The following HACD2 variants were observed in gnomAD, a reference collection of about 807,000 sequenced individuals.
HACD2 encodes the protein 3-hydroxyacyl-CoA dehydratase 2.
A neutral mutation model predicts 31.0 loss-of-function variants in HACD2; 15 were observed. The observed-to-expected ratio is 0.48, with a 90% CI of 0.32 to 0.75. HACD2 has a LOEUF of 0.75. Among genes scored for constraint, HACD2 ranks in the 30% least tolerant of loss-of-function variants. HACD2 has a pLI of 0.03. For synonymous variants in HACD2, 115 were observed against 122.2 expected (o/e 0.94, Z 0.39); for missense variants, 283 against 313.0 (o/e 0.90, Z 0.72).
Position 123,584,898 on chromosome 3 carries a change from T to C in HACD2, c.130A>G (p.Ile44Val), listed in dbSNP as rs780321212. The C allele has an allele frequency of 1.3e-6, 2 of 1,525,916 alleles. No homozygotes were observed. Among genetic ancestry groups the C allele is most frequent in the African/African-American group, 1.4e-5 (1 of 69,524 alleles). The allele number at this position is 1,525,916 out of a possible 1,614,324, so 94.5% of individuals were successfully genotyped here. The change falls in exon 1 of 7, where the codon ATC (isoleucine) becomes GTC (valine). Residue 44 changes from isoleucine (I) to valine (V), a missense_variant. By Grantham distance (29) the Ile-to-Val change is conservative. Coordinates refer to ENST00000383657, the MANE Select transcript of HACD2 (RefSeq NM_198402.5). ...PGPLATAYLV[I>V]YNVVMTAGWL... ...CCGGCTGTCATCACCACATTGTAGA[T>C]GACCAGGTACGCCGTGGCCAGGGGC...
intron 3 of HACD2, among the ~76,000 whole-genome samples, chr3:123,553,595 T>C (rs1348254183): frequency 6.6e-6 from 1 of 152,216 alleles, no homozygotes; most frequent in Non-Finnish European, 1.5e-5. Context: ...AGGAGCAACC[T>C]GGAAGGATAA....
rs373620518 is a variant in HACD2, at chr3:123,491,886, T to C, written c.*3002A>G. ...TTGAATTTAATGTTTTATAATGTTT[T>C]ATCTGAAACTCAGAACTGCAAGTAA... On this transcript the variant is annotated 3_prime_UTR_variant, in exon 7 of 7. Coordinates refer to ENST00000383657, the MANE Select transcript of HACD2 (RefSeq NM_198402.5). 2.6e-5 allele frequency: 4 copies of C among 152,390 alleles called. No homozygotes were observed. The highest frequency in any genetic ancestry group is 2.6e-4 in the Admixed American group (4 of 15,284). The allele number at this position is 152,390 out of a possible 1,614,324, so 9.4% of individuals were successfully genotyped here.
intron 4 of HACD2, among the ~76,000 whole-genome samples, chr3:123,505,188 C>T (rs1426903213): frequency 2.6e-5 from 4 of 152,174 alleles, no homozygotes; most frequent in Admixed American, 2.6e-4. Context: ...TGTGATTCTA[C>T]TCATATGTGG....
At position 123,492,598 on chromosome 3, in the gene HACD2, C is replaced by G. The variant is rs534388714; in HGVS notation, c.*2290G>C. 1.3e-5 allele frequency: 2 copies of G among 152,170 alleles called. No homozygotes were observed. Among genetic ancestry groups the G allele is most frequent in the Admixed American group, 1.3e-4 (2 of 15,284 alleles). The allele number at this position is 152,170 out of a possible 1,614,324, so 9.4% of individuals were successfully genotyped here. A position where few individuals can be genotyped will look rare whatever the true frequency, so the allele number is the denominator to read the frequency against. On this transcript the variant is annotated 3_prime_UTR_variant, in exon 7 of 7. Transcript: ENST00000383657. ...GTTGAGACCCTTTTTGAAAAGGGAG[C>G]TGTGTGCTGTGTTCTCATTGCCAAA... is the stretch of plus-strand genomic sequence containing the variant.
intron 4 of HACD2, among the ~76,000 whole-genome samples, chr3:123,509,902 TG>T (rs1377916110): frequency 1.3e-5 from 2 of 152,180 alleles, no homozygotes; most frequent in South Asian, 4.2e-4. Context: ...ATGGACACTA[TG>T]GGGGAAAAAA....
At chr3:123,536,878 G>A (rs2107714952) in intron 3 of HACD2, among the ~76,000 whole-genome samples, 1 of 152,218 alleles carries the variant, frequency 6.6e-6, no homozygotes, top group South Asian at 2.1e-4. Flanking sequence ...AAGGCAAAAG[G>A]TAGACATCAC....
chr3:123,548,477 G>A (rs2056584303), intron 3 of HACD2, among the ~76,000 whole-genome samples: 1 of 152,052 alleles, frequency 6.6e-6, no homozygotes, highest in Non-Finnish European at 1.5e-5. Flanking sequence ...AAGCGCTCCC[G>A]AATTCCTGAC....
intron 2 of HACD2, among the ~76,000 whole-genome samples, chr3:123,581,835 T>G (rs1172899289): frequency 6.6e-6 from 1 of 152,220 alleles, no homozygotes; most frequent in African/African-American, 2.4e-5. Flanking sequence ...CTCTATTATG[T>G]CTTCTATCTA....
chr3:123,571,560 C>T (rs371178256), intron 2 of HACD2, among the ~76,000 whole-genome samples: 2 of 152,226 alleles, frequency 1.3e-5, no homozygotes. Flanking sequence ...TGAGGAGTAA[C>T]CTCCTACCGA....
At chr3:123,549,177 T>C (rs780684423) in intron 3 of HACD2, among the ~76,000 whole-genome samples, 31 of 151,916 alleles carry the variant, frequency 2.0e-4, no homozygotes, top group Non-Finnish European at 3.5e-4. Context: ...AATTGTCACA[T>C]ATTCGCTTAA....
At chr3:123,497,816 G>A (rs1017046234) in intron 6 of HACD2, among the ~76,000 whole-genome samples, 1 of 152,224 alleles carries the variant, frequency 6.6e-6, no homozygotes, top group Admixed American at 6.5e-5. Context: ...TAGGCTATGT[G>A]TGCAACAACG....
At chr3:123,508,366 A>G (rs1029682683) in intron 4 of HACD2, among the ~76,000 whole-genome samples, 26 of 152,298 alleles carry the variant, frequency 1.7e-4, no homozygotes, top group African/African-American at 6.3e-4. Flanking sequence ...CGGCTTGTGT[A>G]ATTTAGCCAA....
chr3:123,498,843 G>A (rs1226289266), intron 6 of HACD2, among the ~76,000 whole-genome samples: 3 of 152,166 alleles, frequency 2.0e-5, no homozygotes, highest in Admixed American at 1.3e-4. Flanking sequence ...TGGAGGCTGC[G>A]TGTGGTACCC....
intron 4 of HACD2, among the ~76,000 whole-genome samples, chr3:123,524,656 GT>G (rs2056256693): frequency 6.6e-6 from 1 of 152,122 alleles, no homozygotes; most frequent in Non-Finnish European, 1.5e-5. Flanking sequence ...AAAACATTAT[GT>G]TTACGTCAGG....
At chr3:123,550,315 G>A (rs143169221) in intron 3 of HACD2, among the ~76,000 whole-genome samples, 34 of 152,278 alleles carry the variant, frequency 2.2e-4, no homozygotes, top group African/African-American at 8.2e-4. Flanking sequence ...TGAAGAGAAT[G>A]TGAATAGGGA....
chr3:123,525,207 T>G (rs1203963987), intron 4 of HACD2, among the ~76,000 whole-genome samples: 1 of 152,160 alleles, frequency 6.6e-6, no homozygotes, highest in Non-Finnish European at 1.5e-5. Flanking sequence ...GTTTGTTCAT[T>G]TATATGGTCT....
chr3:123,580,969 G>T (rs549505479), intron 2 of HACD2, among the ~76,000 whole-genome samples: 5 of 149,970 alleles, frequency 3.3e-5, no homozygotes, highest in East Asian at 2.0e-4. Context: ...CCACACGCCC[G>T]TGCCACCACA....
intron 3 of HACD2, among the ~76,000 whole-genome samples, chr3:123,563,911 T>C (rs532623243): frequency 1.3e-5 from 2 of 152,296 alleles, no homozygotes; most frequent in East Asian, 1.9e-4. Flanking sequence ...TTATTATTGC[T>C]ATAAGCCTAG....
At chr3:123,495,774 T>G (rs777872914) in intron 6 of HACD2, among the ~76,000 whole-genome samples, 1 of 152,062 alleles carries the variant, frequency 6.6e-6, no homozygotes, top group South Asian at 2.1e-4. Context: ...TATTTGGAAA[T>G]AAGGGAGAAA....
Sources: allele counts gnomAD v4.1 joint callset (sites outside exome capture counted in the v4.1 genomes callset), GRCh38; gene constraint gnomAD v4.1.1; transcripts MANE v1.5; gene names NCBI Gene and HGNC (gene_info 2026-07-23, HGNC 2026-07-21).